Variants in EPHA5 observed in about 807,000 individuals in gnomAD.
The protein encoded by EPHA5 is EPH receptor A5, also known as ephrin type-A receptor 5.
EPHA5 carries 60 observed loss-of-function variants against 105.0 expected under a neutral mutation model. The ratio of observed to expected loss-of-function variants is 0.57; its 90% confidence interval spans 0.46 to 0.71. EPHA5 has a LOEUF of 0.71. EPHA5 is among the 30% of genes least tolerant of loss of function. EPHA5 has a pLI of 0.00. For missense variants in EPHA5, 1,218 were observed against 1,274.7 expected (o/e 0.96, Z 0.68); for synonymous variants, 513 against 449.1 (o/e 1.14, Z -1.80).
chr4:65,417,536 A>G (rs1003375001), intron 6 of EPHA5, among the ~76,000 whole-genome samples: 2 of 152,162 alleles, frequency 1.3e-5, no homozygotes, highest in African/African-American at 4.8e-5. Context: ...TATATTATAT[A>G]AAGATTTTTC....
intron 3 of EPHA5, among the ~76,000 whole-genome samples, chr4:65,591,000 T>C (rs1225800580): frequency 6.6e-6 from 1 of 152,118 alleles, no homozygotes; most frequent in Non-Finnish European, 1.5e-5. Flanking sequence ...GGTTGTGTGA[T>C]ATCAGGCAGG....
intron 5 of EPHA5, among the ~76,000 whole-genome samples, chr4:65,461,619 G>T (rs1186087171): frequency 1.3e-5 from 2 of 151,930 alleles, no homozygotes; most frequent in Non-Finnish European, 2.9e-5. Flanking sequence ...CGTAGAAAAA[G>T]AAAGACTATT....
At chr4:65,583,393 A>G (rs1195881507) in intron 3 of EPHA5, among the ~76,000 whole-genome samples, 2 of 151,852 alleles carry the variant, frequency 1.3e-5, no homozygotes, top group African/African-American at 4.8e-5. Flanking sequence ...ACCGAAGAGG[A>G]GGACATTCGT....
At chr4:65,586,671 T>C (rs755288356) in intron 3 of EPHA5, among the ~76,000 whole-genome samples, 3 of 151,962 alleles carry the variant, frequency 2.0e-5, no homozygotes, top group Non-Finnish European at 4.4e-5. Context: ...AAAGCTAATA[T>C]ATATTTAAGC....
intron 8 of EPHA5, among the ~76,000 whole-genome samples, chr4:65,372,863 G>T (rs1304261205): frequency 2.0e-5 from 3 of 151,678 alleles, no homozygotes; most frequent in African/African-American, 7.3e-5. Context: ...ACATGAAATG[G>T]CAAATCTCTT....
chr4:65,521,071 C>A (rs1033989372), intron 3 of EPHA5, among the ~76,000 whole-genome samples: 5 of 152,090 alleles, frequency 3.3e-5, no homozygotes, highest in Non-Finnish European at 7.3e-5. Flanking sequence ...AAGACACATG[C>A]ACATGTATGT....
chr4:65,600,858 A>G (rs781572904), intron 3 of EPHA5, among the ~76,000 whole-genome samples: 26 of 152,164 alleles, frequency 1.7e-4, no homozygotes, highest in Non-Finnish European at 3.1e-4. Flanking sequence ...ACAAATTTCC[A>G]GTTTAAACGG....
intron 8 of EPHA5, among the ~76,000 whole-genome samples, chr4:65,382,599 T>C (rs1252824567): frequency 6.6e-6 from 1 of 151,844 alleles, no homozygotes; most frequent in Non-Finnish European, 1.5e-5. Context: ...TCTTTAATAG[T>C]GAAGAAATTA....
intron 3 of EPHA5, among the ~76,000 whole-genome samples, chr4:65,596,681 AACAC>A (rs71205392): frequency 0.48 from 72,565 of 150,440 alleles, 19,027 homozygotes; most frequent in Middle Eastern, 0.64. Context: ...ACAAAAGCAG[AACAC>A]ACACACACAC....
chr4:65,444,141 T>C (rs1726288461), intron 5 of EPHA5, among the ~76,000 whole-genome samples: 1 of 152,168 alleles, frequency 6.6e-6, no homozygotes, highest in African/African-American at 2.4e-5. Flanking sequence ...ATTAAAACTG[T>C]TTTACTTTTA....
chr4:65,464,754 A>G (rs1450302806), intron 5 of EPHA5, among the ~76,000 whole-genome samples: 1 of 152,146 alleles, frequency 6.6e-6, no homozygotes, highest in Non-Finnish European at 1.5e-5. Context: ...TAGTATTTAG[A>G]ATAAATCAGT....
At position 65,332,079 on chromosome 4, in the gene EPHA5, T is replaced by C. The variant is rs1376867348; in HGVS notation, c.2839A>G (p.Arg947Gly). Reference protein sequence around the residue: ...EHSPLGSGAYRSVGEWLEAIK... With the variant: ...EHSPLGSGAYGSVGEWLEAIK... ...GCCTCTAGCCATTCACCTACTGATC[T>C]GTAGGCCCCAGATCCTAGTGGGCTA... The change falls in exon 16 of 17, where the codon AGA (arginine) becomes GGA (glycine). Residue 947 changes from arginine (R) to glycine (G), a missense_variant. This residue lies in a region of EPHA5 where 971 missense variants were observed against 1,013.5 expected (regional missense o/e 0.96). Coordinates refer to ENST00000613740, the MANE Select transcript of EPHA5 (RefSeq NM_001281766.3). 6.2e-7 allele frequency: 1 copy of C among 1,610,858 alleles called. No individual in the cohort carries two copies. The highest frequency in any genetic ancestry group is 1.3e-5 in the African/African-American group (1 of 74,804).
intron 5 of EPHA5, among the ~76,000 whole-genome samples, chr4:65,478,163 C>A (rs979262584): frequency 6.6e-6 from 1 of 152,090 alleles, no homozygotes; most frequent in African/African-American, 2.4e-5. Flanking sequence ...TCAATATAGA[C>A]GGGCAGCTTT....
intron 5 of EPHA5, among the ~76,000 whole-genome samples, chr4:65,465,495 G>GAAAGAAAGAA (rs1728566148): frequency 1.1e-5 from 1 of 89,360 alleles, no homozygotes; most frequent in South Asian, 3.5e-4. Context: ...AAGAAAGAAA[G>GAAAGAAAGAA]AAAGAAAGAA....
chr4:65,511,736 A>C (rs2149261631), intron 3 of EPHA5, among the ~76,000 whole-genome samples: 1 of 152,338 alleles, frequency 6.6e-6, no homozygotes, highest in Middle Eastern at 3.4e-3. Flanking sequence ...GCAATCAGTT[A>C]TTTTAATTTC....
chr4:65,567,540 T>G (rs1045644149), intron 3 of EPHA5, among the ~76,000 whole-genome samples: 1 of 151,578 alleles, frequency 6.6e-6, no homozygotes, highest in African/African-American at 2.4e-5. Context: ...CAAGTACAAG[T>G]TGGTGATAGC....
At chr4:65,531,061 C>T (rs1223275213) in intron 3 of EPHA5, among the ~76,000 whole-genome samples, 3 of 147,780 alleles carry the variant, frequency 2.0e-5, no homozygotes, top group African/African-American at 7.5e-5. Context: ...GACGGAGTCT[C>T]GCTCTGTCGC....
chr4:65,556,146 C>G (rs1276037869), intron 3 of EPHA5, among the ~76,000 whole-genome samples: 1 of 152,146 alleles, frequency 6.6e-6, no homozygotes, highest in Non-Finnish European at 1.5e-5. Flanking sequence ...GGACACACAT[C>G]TTTCTACTGA....
Position 65,618,236 on chromosome 4 carries a change from A to G in EPHA5, c.247-15932T>C, listed in dbSNP as rs186818716. On this transcript the variant is annotated intron_variant, in intron 2 of 16. Coordinates refer to ENST00000613740, the MANE Select transcript of EPHA5 (RefSeq NM_001281766.3). ...CCAAATGAATACAGTAAATTAGAAA[A>G]CTAAATACTAAAGTTTCTTTGATAT... Among the ~76,000 whole-genome samples, 149 of 152,286 alleles carry G rather than the reference A, an allele frequency of 9.8e-4. 1 individual carries two copies. Among genetic ancestry groups the G allele is most frequent in the African/African-American group, 3.3e-3 (138 of 41,572 alleles).
Sources: gnomAD v4.1 joint callset for allele counts (sites outside exome capture counted in the v4.1 genomes callset) on GRCh38, gnomAD v4.1.1 for gene constraint, gnomAD v4.1.1 regional missense constraint, MANE v1.5 for transcripts, NCBI Gene and HGNC (gene_info 2026-07-23, HGNC 2026-07-21) for gene names.